The following RNF17 variants were observed in gnomAD, a reference collection of about 807,000 sequenced individuals.
The protein encoded by RNF17 is ring finger protein 17.
In RNF17, 31 loss-of-function variants were observed where a neutral mutation model predicts 200.5. The observed-to-expected ratio is 0.15, with a 90% CI of 0.12 to 0.21. RNF17 has a LOEUF of 0.21. Ranked by LOEUF, RNF17 falls within the 10% of genes least tolerant of loss-of-function variation. The probability of loss-of-function intolerance (pLI) is 1.00; values close to 1 mark genes in which losing one functional copy is unlikely to be tolerated. For missense variants in RNF17, 1,628 were observed against 1,905.1 expected (o/e 0.85, Z 2.71); for synonymous variants, 606 against 637.8 (o/e 0.95, Z 0.75).
At chr13:24,776,502 A>G (rs1004871929) in intron 3 of RNF17, among the ~76,000 whole-genome samples, 2 of 152,174 alleles carry the variant, frequency 1.3e-5, no homozygotes, top group African/African-American at 4.8e-5. Context: ...GGTTTATTGA[A>G]TACCAGTACT....
chr13:24,841,938 C>T (rs1019725881), intron 18 of RNF17, 103 bp from the exon 19 acceptor site: 17 of 952,528 alleles, frequency 1.8e-5, no homozygotes, highest in Non-Finnish European at 2.3e-5. Context: ...TGCACTCCAG[C>T]CTGGGCGACA....
intron 4 of RNF17, among the ~76,000 whole-genome samples, 195 bp downstream of exon 4, chr13:24,778,601 C>T (rs1293064412): frequency 6.6e-6 from 1 of 152,150 alleles, no homozygotes; most frequent in Non-Finnish European, 1.5e-5. Context: ...CCTGTTCTAC[C>T]TTTGACTGAC....
chr13:24,782,185 G>A lies in RNF17; in HGVS notation c.611+241G>A, dbSNP rs543479314. 3.3e-5 allele frequency among the ~76,000 whole-genome samples: 5 copies of A among 152,100 alleles called. No individual in the cohort carries two copies. In the East Asian group the frequency reaches 9.7e-4, roughly 29 times the overall value. ...ACCTTCTGGTGCTGAAGCTAATGGT[G>A]GTTTGTTTGAGACAGGGTCTTGCTC... On this transcript the variant is annotated intron_variant, in intron 6 of 35. Coordinates refer to ENST00000255324, the MANE Select transcript of RNF17 (RefSeq NM_031277.3).
intron 15 of RNF17, 52 bp downstream of exon 15, chr13:24,804,481 G>C: frequency 7.2e-7 from 1 of 1,386,182 alleles, no homozygotes; most frequent in Non-Finnish European, 9.9e-7. Context: ...ATTTTAATTA[G>C]ACATGTATAA....
intron 18 of RNF17, among the ~76,000 whole-genome samples, chr13:24,832,408 A>G (rs979091642): frequency 6.6e-6 from 1 of 152,182 alleles, no homozygotes; most frequent in African/African-American, 2.4e-5. Context: ...GCATAATTTG[A>G]AAAAAGTTAT....
upstream of RNF17, among the ~76,000 whole-genome samples, chr13:24,761,204 T>C (rs1484260886): frequency 6.6e-6 from 1 of 152,228 alleles, no homozygotes; most frequent in African/African-American, 2.4e-5. Flanking sequence ...CCCACTCTTA[T>C]GGTGGGAATA....
At chr13:24,816,670 CTG>C (rs1475079930) in intron 15 of RNF17, among the ~76,000 whole-genome samples, 1 of 152,220 alleles carries the variant, frequency 6.6e-6, no homozygotes, top group African/African-American at 2.4e-5. Flanking sequence ...TTTGCTGCCT[CTG>C]TGTCTCACCT....
intron 2 of RNF17, among the ~76,000 whole-genome samples, chr13:24,767,802 A>G (rs1879951389): frequency 6.6e-6 from 1 of 152,188 alleles, no homozygotes; most frequent in Non-Finnish European, 1.5e-5. Flanking sequence ...TCTTTAAGCA[A>G]AGAAACCTAA....
At chr13:24,832,094 T>A in intron 18 of RNF17, 116 bp downstream of exon 18, 1 of 711,422 alleles carries the variant, frequency 1.4e-6, no homozygotes, top group Non-Finnish European at 2.2e-6. Flanking sequence ...TGGTGAGAGA[T>A]AAGATTTGTT....
chr13:24,850,413 A>C lies in RNF17; in HGVS notation c.3174A>C (p.Val1058=). The C allele has an allele frequency of 1.2e-6, 2 of 1,612,964 alleles. No individual in the cohort carries two copies. The highest frequency in any genetic ancestry group is 1.7e-6 in the Non-Finnish European group (2 of 1,179,260). ...DCLSLYLTGA[V]ATIILQVDSE... ...TTTCATTGTACCTGACTGGAGCTGTAGCAACTATAATCTTACAGGTGGATA... is the reference window on the plus strand; with the variant it reads ...TTTCATTGTACCTGACTGGAGCTGTCGCAACTATAATCTTACAGGTGGATA... The change falls in exon 23 of 36, where the codon GTA becomes GTC. Residue 1058 remains valine (V), a synonymous_variant. Coordinates refer to ENST00000255324, the MANE Select transcript of RNF17 (RefSeq NM_031277.3).
intron 15 of RNF17, among the ~76,000 whole-genome samples, chr13:24,816,441 A>G (rs943711297): frequency 2.0e-5 from 3 of 152,242 alleles, no homozygotes; most frequent in African/African-American, 7.2e-5. Flanking sequence ...CTGACCCAAC[A>G]TATCCCATAG....
intron 15 of RNF17, among the ~76,000 whole-genome samples, chr13:24,812,609 T>C (rs1390707224): frequency 6.6e-6 from 1 of 151,326 alleles, no homozygotes; most frequent in East Asian, 2.0e-4. Flanking sequence ...TCTTCTGCGT[T>C]GTTGACACTG....
At chr13:24,852,521 G>T (rs1892053669) in intron 24 of RNF17, among the ~76,000 whole-genome samples, 1 of 152,056 alleles carries the variant, frequency 6.6e-6, no homozygotes, top group Non-Finnish European at 1.5e-5. Flanking sequence ...ACCATATATG[G>T]CCAGATCTCC....
chr13:24,843,781 G>A lies in RNF17; in HGVS notation c.2641G>A (p.Val881Ile). Residue 881 changes from valine (V) to isoleucine (I), a missense_variant, in exon 20 of 36, where the codon GTT becomes ATT. Val to Ile is a conservative substitution (Grantham distance 29). This residue lies in a region of RNF17 where 227 missense variants were observed against 319.8 expected (regional missense o/e 0.71). Coordinates refer to ENST00000255324, the MANE Select transcript of RNF17 (RefSeq NM_031277.3). ...AGATAATTCTCAAAAGCATATTGAA[G>A]TTTGGGATCCTTCTCCAGAAGAAAT... is the stretch of plus-strand genomic sequence containing the variant. ...LKDNSQKHIE[V>I]WDPSPEEIIS... 1 of 1,606,690 alleles carries A rather than the reference G, an allele frequency of 6.2e-7. No individual in the cohort carries two copies. Among genetic ancestry groups the A allele is most frequent in the Non-Finnish European group, 8.5e-7 (1 of 1,176,176 alleles).
At chr13:24,766,631 G>A (rs1176330276) in intron 1 of RNF17, among the ~76,000 whole-genome samples, 2 of 152,206 alleles carry the variant, frequency 1.3e-5, no homozygotes, top group East Asian at 1.9e-4. Flanking sequence ...GTAGTAGAGG[G>A]CAGTATGATC....
chr13:24,840,217 A>C (rs760860039), intron 18 of RNF17, among the ~76,000 whole-genome samples: 1 of 152,176 alleles, frequency 6.6e-6, no homozygotes, highest in Non-Finnish European at 1.5e-5. Context: ...TAGTCAAAAA[A>C]TCAAAAAACA....
chr13:24,872,311 G>A (rs1251856436), intron 32 of RNF17, among the ~76,000 whole-genome samples: 1 of 152,024 alleles, frequency 6.6e-6, no homozygotes, highest in Non-Finnish European at 1.5e-5. Context: ...AATTAAAATC[G>A]CTTGAAATAA....
intron 10 of RNF17, among the ~76,000 whole-genome samples, chr13:24,795,401 CTA>C (rs1884438272): frequency 6.7e-6 from 1 of 150,020 alleles, no homozygotes; most frequent in Non-Finnish European, 1.5e-5. Context: ...CTCTCTCTCT[CTA>C]TGTGTGTGTG....
At chr13:24,751,200 G>A in the RNF17 span, 5 of 151,850 alleles carry the variant, frequency 3.3e-5, no homozygotes, top group Admixed American at 2.6e-4. Flanking sequence ...TCTCTTTCCT[G>A]GGAAATTGCT....
Sources: gnomAD v4.1 joint callset for allele counts (sites outside exome capture counted in the v4.1 genomes callset) on GRCh38, gnomAD v4.1.1 for gene constraint, gnomAD v4.1.1 regional missense constraint, MANE v1.5 for transcripts, NCBI Gene and HGNC (gene_info 2026-07-23, HGNC 2026-07-21) for gene names.